Variants in RAD51B observed in about 807,000 individuals in gnomAD.
RAD51B encodes the protein DNA repair protein RAD51 homolog 2.
RAD51B carries 38 observed loss-of-function variants against 42.2 expected under a neutral mutation model. The ratio of observed to expected loss-of-function variants is 0.90; its 90% confidence interval spans 0.70 to 1.18. The LOEUF (loss-of-function observed/expected upper bound fraction) is 1.18, where lower values mean the gene tolerates loss of function less well. Ranked by LOEUF, RAD51B falls within the 50% of genes most tolerant of loss-of-function variation. RAD51B has a pLI of 0.00. For synonymous variants in RAD51B, 154 were observed against 145.2 expected (o/e 1.06, Z -0.43); for missense variants, 373 against 400.7 (o/e 0.93, Z 0.59).
chr14:67,952,531 A>G (rs1366951510), intron 7 of RAD51B, among the ~76,000 whole-genome samples: 1 of 152,144 alleles, frequency 6.6e-6, no homozygotes, highest in Non-Finnish European at 1.5e-5. Flanking sequence ...TTCCTAAATG[A>G]CATCTTGAAG....
chr14:67,858,408 C>A, intron 4 of RAD51B, among the ~76,000 whole-genome samples: 1 of 152,264 alleles, frequency 6.6e-6, no homozygotes, highest in East Asian at 1.9e-4. Flanking sequence ...ATCTCTTCCC[C>A]GAAGTCCAGC....
intron 10 of RAD51B, among the ~76,000 whole-genome samples, chr14:68,542,873 C>T (rs972400023): frequency 1.3e-5 from 2 of 152,320 alleles, no homozygotes; most frequent in South Asian, 2.1e-4. Context: ...TTTCCAGCCT[C>T]ATCTCCCATT....
At chr14:68,500,165 A>G (rs1280767936) in intron 10 of RAD51B, among the ~76,000 whole-genome samples, 1 of 152,212 alleles carries the variant, frequency 6.6e-6, no homozygotes, top group African/African-American at 2.4e-5. Context: ...CTAAGGACCA[A>G]GGAAGTTCAA....
chr14:68,045,539 A>G (rs1029138525), intron 7 of RAD51B, among the ~76,000 whole-genome samples: 11 of 152,340 alleles, frequency 7.2e-5, no homozygotes, highest in Admixed American at 6.5e-4. Context: ...ACCTTACAGG[A>G]AACAAAACCC....
At chr14:68,247,118 G>A (rs2080515148) in intron 7 of RAD51B, among the ~76,000 whole-genome samples, 1 of 152,082 alleles carries the variant, frequency 6.6e-6, no homozygotes, top group Non-Finnish European at 1.5e-5. Context: ...AATTCTACCA[G>A]CATTAAGTAC....
chr14:68,279,378 G>T (rs554491920), intron 7 of RAD51B, among the ~76,000 whole-genome samples: 7 of 152,242 alleles, frequency 4.6e-5, no homozygotes, highest in Non-Finnish European at 7.3e-5. Context: ...TCTGAATTCA[G>T]TGGGACTTTA....
chr14:68,177,358 T>TA (rs1331183407), intron 7 of RAD51B, among the ~76,000 whole-genome samples: 4 of 152,208 alleles, frequency 2.6e-5, no homozygotes, highest in South Asian at 2.1e-4. Flanking sequence ...GGTAGGCACC[T>TA]AGGTGTTTTG....
At chr14:68,302,506 G>A (rs564144569) in intron 8 of RAD51B, among the ~76,000 whole-genome samples, 214 of 62,420 alleles carry the variant, frequency 3.4e-3, no homozygotes, top group Middle Eastern at 0.021. Flanking sequence ...GGCAGGGGCC[G>A]GATTGCCGAG....
In RAD51B at chr14:68,184,627, A is replaced by AAAC. The variant is rs1566712814; in HGVS notation, c.757-107255_757-107254insCAA. On this transcript the variant is annotated intron_variant, in intron 7 of 10. Transcript: ENST00000471583. ...CCTGTCTAAAAAAAAAAAAAAACCA[A>AAAC]AAAAAAAAACAGGAAGAAGAAGAAG... Among the ~76,000 whole-genome samples, 219 of 148,140 alleles carry AAAC rather than the reference A, an allele frequency of 1.5e-3. 5 individuals carry two copies. The highest frequency in any genetic ancestry group is 5.4e-3 in the African/African-American group (213 of 39,720).
chr14:68,125,640 T>C (rs2077741227), intron 7 of RAD51B, among the ~76,000 whole-genome samples: 1 of 152,204 alleles, frequency 6.6e-6, no homozygotes, highest in Admixed American at 6.5e-5. Flanking sequence ...GCAATTTGAC[T>C]GTGGTCAGTT....
At chr14:68,012,982 C>T (rs2075710365) in intron 7 of RAD51B, among the ~76,000 whole-genome samples, 1 of 152,128 alleles carries the variant, frequency 6.6e-6, no homozygotes, top group Admixed American at 6.6e-5. Flanking sequence ...CAGATTACCC[C>T]ACAACTTAGT....
downstream of RAD51B, among the ~76,000 whole-genome samples, chr14:68,597,855 T>C (rs538088721): frequency 6.6e-6 from 1 of 150,536 alleles, no homozygotes; most frequent in African/African-American, 2.4e-5. Context: ...GAGAGAACTC[T>C]ACTCTATCCT....
chr14:68,233,512 A>G (rs547716777), intron 7 of RAD51B, among the ~76,000 whole-genome samples: 8 of 152,306 alleles, frequency 5.3e-5, no homozygotes, highest in African/African-American at 1.4e-4. Flanking sequence ...TATTCATTCA[A>G]TTCATGAACA....
chr14:68,256,159 A>G (rs569586915), intron 7 of RAD51B, among the ~76,000 whole-genome samples: 1 of 152,182 alleles, frequency 6.6e-6, no homozygotes, highest in Non-Finnish European at 1.5e-5. Flanking sequence ...AGGGATACAG[A>G]TTTACCCTAT....
chr14:68,587,134 G>A (rs1422414481), intron 10 of RAD51B, among the ~76,000 whole-genome samples: 1 of 152,198 alleles, frequency 6.6e-6, no homozygotes, highest in African/African-American at 2.4e-5. Flanking sequence ...GCGCATAAGA[G>A]GCCCTCAGCA....
intron 10 of RAD51B, among the ~76,000 whole-genome samples, chr14:68,603,428 A>G (rs1184266230): frequency 6.6e-6 from 1 of 152,096 alleles, no homozygotes; most frequent in Admixed American, 6.5e-5. Context: ...GGGATTTTTT[A>G]TACTTTTCTG....
chr14:68,059,211 C>T (rs1429944793), intron 7 of RAD51B, among the ~76,000 whole-genome samples: 1 of 152,146 alleles, frequency 6.6e-6, no homozygotes, highest in African/African-American at 2.4e-5. Flanking sequence ...TTCTGGCCTA[C>T]TTATAACATC....
intron 7 of RAD51B, among the ~76,000 whole-genome samples, chr14:67,909,194 T>C (rs1000435555): frequency 2.0e-5 from 3 of 152,192 alleles, no homozygotes; most frequent in African/African-American, 4.8e-5. Context: ...TGAAAACTGC[T>C]GTTCCAGAGA....
intron 7 of RAD51B, among the ~76,000 whole-genome samples, chr14:68,118,785 G>T (rs186770867): frequency 3.5e-4 from 54 of 152,130 alleles, no homozygotes; most frequent in Admixed American, 2.6e-3. Flanking sequence ...TGTGTGTTGT[G>T]TGCATGTGTA....
Sources: gnomAD v4.1 joint callset for allele counts (sites outside exome capture counted in the v4.1 genomes callset) on GRCh38, gnomAD v4.1.1 for gene constraint, MANE v1.5 for transcripts, NCBI Gene and HGNC (gene_info 2026-07-23, HGNC 2026-07-21) for gene names.